Variants in ARB2A observed in about 807,000 individuals in gnomAD.
ARB2A encodes cotranscriptional regulator ARB2A.
the ARB2A span, among the ~76,000 whole-genome samples, chr5:93,766,607 T>C: frequency 4.6e-5 from 7 of 152,114 alleles, no homozygotes; most frequent in Non-Finnish European, 7.4e-5. Flanking sequence ...TAAACTAGTT[T>C]AACCATTGTG....
chr5:93,880,490 T>C, the ARB2A span, among the ~76,000 whole-genome samples: 23 of 151,920 alleles, frequency 1.5e-4, no homozygotes, highest in African/African-American at 5.5e-4. Context: ...TAATTTGAAA[T>C]GTTACTACTA....
the ARB2A span, among the ~76,000 whole-genome samples, chr5:93,652,520 A>C: frequency 6.6e-6 from 1 of 152,306 alleles, no homozygotes; most frequent in South Asian, 2.1e-4. Flanking sequence ...GGTTGACTAC[A>C]TTTAGCAAAA....
the ARB2A span, among the ~76,000 whole-genome samples, chr5:94,049,230 T>C: frequency 6.6e-6 from 1 of 152,200 alleles, no homozygotes; most frequent in Non-Finnish European, 1.5e-5. Context: ...TTTCAAAGGT[T>C]CCTACAAGCA....
chr5:93,935,522 T>C, the ARB2A span, among the ~76,000 whole-genome samples: 1 of 152,152 alleles, frequency 6.6e-6, no homozygotes. Context: ...AAGGGTTTAA[T>C]GTAGGGGAAT....
the ARB2A span, among the ~76,000 whole-genome samples, chr5:93,959,418 C>T: frequency 2.0e-5 from 3 of 151,834 alleles, no homozygotes; most frequent in Non-Finnish European, 4.4e-5. Flanking sequence ...AAGTTGCCCA[C>T]GGTCACACAA....
At chr5:93,927,624 T>C in the ARB2A span, among the ~76,000 whole-genome samples, 1 of 152,188 alleles carries the variant, frequency 6.6e-6, no homozygotes, top group Admixed American at 6.5e-5. Flanking sequence ...GTAATAAAGA[T>C]GACACATTGA....
the ARB2A span, among the ~76,000 whole-genome samples, chr5:94,106,838 G>A: frequency 7.6e-6 from 1 of 131,942 alleles, no homozygotes; most frequent in South Asian, 2.6e-4. Flanking sequence ...AACATGGATG[G>A]AGCTTCACAT....
chr5:93,668,598 T>TG, the ARB2A span, among the ~76,000 whole-genome samples: 2 of 152,134 alleles, frequency 1.3e-5, no homozygotes, highest in African/African-American at 4.8e-5. Context: ...AAGAACAAAA[T>TG]GCAAATTTGA....
At chr5:93,771,945 C>T in the ARB2A span, among the ~76,000 whole-genome samples, 179 of 152,302 alleles carry the variant, frequency 1.2e-3, no homozygotes, top group African/African-American at 4.1e-3. Context: ...ACCCAGCCAT[C>T]CCATTACTGG....
At chr5:93,881,534 C>A in the ARB2A span, 10 of 1,610,928 alleles carry the variant, frequency 6.2e-6, no homozygotes, top group Non-Finnish European at 8.5e-6. Flanking sequence ...ATAGAAATCA[C>A]GTCGCTTCTT....
the ARB2A span, among the ~76,000 whole-genome samples, chr5:93,973,399 C>A: frequency 3.9e-5 from 6 of 151,976 alleles, no homozygotes; most frequent in African/African-American, 1.2e-4. Context: ...CTGAATAAAG[C>A]CTTCAAGAAA....
the ARB2A span, chr5:93,618,775 C>A: frequency 1.8e-4 from 27 of 152,186 alleles, no homozygotes; most frequent in Admixed American, 5.2e-4. Context: ...TTAAACCAGG[C>A]CTAACCATCC....
At chr5:94,053,114 T>TAGATAGATAGAC in the ARB2A span, 2 of 1,456,780 alleles carry the variant, frequency 1.4e-6, no homozygotes, top group South Asian at 2.5e-5. Context: ...GATAGATAGA[T>TAGATAGATAGAC]AACCCACTTA....
At chr5:93,654,047 C>A in the ARB2A span, among the ~76,000 whole-genome samples, 1 of 152,180 alleles carries the variant, frequency 6.6e-6, no homozygotes, top group African/African-American at 2.4e-5. Flanking sequence ...GTATGCTGGA[C>A]ACTGTGCTAG....
At chr5:93,658,681 CT>C in the ARB2A span, among the ~76,000 whole-genome samples, 32 of 152,072 alleles carry the variant, frequency 2.1e-4, no homozygotes, top group Middle Eastern at 0.01. Context: ...AGAAAAATAT[CT>C]TTTCAGATGA....
the ARB2A span, among the ~76,000 whole-genome samples, chr5:93,783,684 A>C: frequency 1.3e-5 from 2 of 152,226 alleles, no homozygotes; most frequent in Non-Finnish European, 2.9e-5. Flanking sequence ...CAGAAAGATA[A>C]ATAAAAATAA....
the ARB2A span, among the ~76,000 whole-genome samples, chr5:93,630,030 ATTTT>A: frequency 6.6e-6 from 1 of 152,186 alleles, no homozygotes; most frequent in Non-Finnish European, 1.5e-5. Flanking sequence ...ACCAGCAGTT[ATTTT>A]TAGAAAGCTA....
At chr5:93,768,530 C>G in the ARB2A span, among the ~76,000 whole-genome samples, 11 of 150,140 alleles carry the variant, frequency 7.3e-5, no homozygotes, top group Non-Finnish European at 1.6e-4. Context: ...CATATATATA[C>G]ACTATATATA....
chr5:93,689,574 C>T, the ARB2A span, among the ~76,000 whole-genome samples: 2 of 152,282 alleles, frequency 1.3e-5, no homozygotes, highest in Middle Eastern at 3.4e-3. Context: ...TCACCTTTTG[C>T]TCTTTTCTTT....
Sources: allele counts gnomAD v4.1 joint callset (sites outside exome capture counted in the v4.1 genomes callset), GRCh38; gene constraint gnomAD v4.1.1; transcripts MANE v1.5; gene names NCBI Gene and HGNC (gene_info 2026-07-23, HGNC 2026-07-21).